The following MSR1 variants were observed in gnomAD, a reference collection of about 807,000 sequenced individuals.
The protein encoded by MSR1 is macrophage scavenger receptor 1.
In MSR1, 53 loss-of-function variants were observed where a neutral mutation model predicts 47.2. That is an observed-to-expected ratio of 1.12 (90% CI 0.90 to 1.41). The LOEUF (loss-of-function observed/expected upper bound fraction) is 1.41. MSR1 is among the 40% of genes most tolerant of loss of function. The pLI, the probability that MSR1 is intolerant of heterozygous loss-of-function variation, is 0.00. For synonymous variants in MSR1, 239 were observed against 185.6 expected (o/e 1.29, Z -2.34); for missense variants, 786 against 546.9 (o/e 1.44, Z -4.36).
chr8:16,156,177 A>T (rs181281391), intron 5 of MSR1, among the ~76,000 whole-genome samples: 1 of 152,064 alleles, frequency 6.6e-6, no homozygotes, highest in East Asian at 1.9e-4. Context: ...TATTCCATAG[A>T]TTCACCACAG....
intron 8 of MSR1, 78 bp from the exon 9 acceptor site, chr8:16,120,684 T>TC: frequency 6.9e-7 from 1 of 1,454,984 alleles, no homozygotes; most frequent in Admixed American, 2.8e-5. Context: ...TTACAGCACT[T>TC]TTTTTTTAAA....
At chr8:16,131,872 T>A (rs940561758) in intron 8 of MSR1, among the ~76,000 whole-genome samples, 1 of 152,142 alleles carries the variant, frequency 6.6e-6, no homozygotes, top group African/African-American at 2.4e-5. Context: ...CCATGCTGTT[T>A]TTGTTCTGTA....
intron 8 of MSR1, chr8:16,141,036 T>G: frequency 6.2e-7 from 1 of 1,613,338 alleles, no homozygotes; most frequent in African/African-American, 1.3e-5. Context: ...ATCAGTGAGT[T>G]GTACTGGTCC....
chr8:16,148,427 C>T (rs774578436), intron 7 of MSR1, among the ~76,000 whole-genome samples: 23 of 152,090 alleles, frequency 1.5e-4, no homozygotes, highest in Non-Finnish European at 2.5e-4. Flanking sequence ...AAAGCCAGCA[C>T]ATTAATGTTT....
chr8:16,190,195 C>A (rs1802159237), intron 1 of MSR1, among the ~76,000 whole-genome samples: 1 of 151,954 alleles, frequency 6.6e-6, no homozygotes, highest in African/African-American at 2.4e-5. Context: ...ACTGCCCCGG[C>A]CATTATTTTC....
chr8:16,164,916 T>G (rs34897121), intron 4 of MSR1, among the ~76,000 whole-genome samples: 5 of 152,118 alleles, frequency 3.3e-5, no homozygotes, highest in Middle Eastern at 3.4e-3. Flanking sequence ...TCCTGGAATA[T>G]GCTTTTATAT....
chr8:16,181,379 C>T lies in MSR1; in HGVS notation c.-4-3387G>A, dbSNP rs1017308137. Among the ~76,000 whole-genome samples the T allele has an allele frequency of 3.3e-5, 5 of 151,788 alleles. No homozygotes were observed. In the South Asian group the frequency reaches 6.3e-4, roughly 19 times the overall value. On this transcript the variant is annotated intron_variant, in intron 1 of 9. Coordinates refer to ENST00000262101, the MANE Select transcript of MSR1 (RefSeq NM_138715.3). ...CTGTTGTTTCTTGAATTTTAATGAT[C>T]GCCATTCTTGGAACCAATCCAAATG...
At chr8:16,143,674 GGAGACA>G in intron 7 of MSR1, 63 bp from the exon 8 acceptor site, 4 of 1,211,226 alleles carry the variant, frequency 3.3e-6, no homozygotes, top group Non-Finnish European at 4.9e-6. Context: ...TGCTTTAACT[GGAGACA>G]GATCATCACA....
chr8:16,155,139 G>C lies in MSR1; in HGVS notation c.823C>G (p.Pro275Ala), dbSNP rs2229388. The C allele has an allele frequency of 0.08, 128,672 of 1,609,930 alleles. 9,085 individuals are homozygous for C. Among genetic ancestry groups the C allele is most frequent in the East Asian group, 0.37 (16,616 of 44,762 alleles). ...TCTCCTTTTTCACCCGGGGGTCCAG[G>C]AGGACCTTTAAAAAAATTACAGTTA... The part of the protein sequence containing the change: ...LRNITLIQGP[P>A]GPPGEKGDRG... The change falls in exon 6 of 10, where the codon CCT becomes GCT. Residue 275 changes from proline to alanine, a missense_variant. Pro to Ala is a conservative substitution (Grantham distance 27, BLOSUM62 -1). Transcript: ENST00000262101.
At chr8:16,180,858 T>C (rs1801808760) in intron 1 of MSR1, among the ~76,000 whole-genome samples, 1 of 152,186 alleles carries the variant, frequency 6.6e-6, no homozygotes, top group South Asian at 2.1e-4. Context: ...GAATGCTATG[T>C]TGATCTGACC....
intron 4 of MSR1, among the ~76,000 whole-genome samples, chr8:16,164,641 G>C (rs1801255581): frequency 6.6e-6 from 1 of 151,894 alleles, no homozygotes; most frequent in Non-Finnish European, 1.5e-5. Context: ...TCGTGAATTT[G>C]ATAGATTTAT....
intron 2 of MSR1, among the ~76,000 whole-genome samples, chr8:16,177,508 G>C (rs1399802356): frequency 1.3e-5 from 2 of 151,814 alleles, no homozygotes; most frequent in Non-Finnish European, 2.9e-5. Flanking sequence ...CTGCATCTCA[G>C]AACTGTGAGC....
chr8:16,184,255 A>T (rs918253637), intron 1 of MSR1, among the ~76,000 whole-genome samples: 2 of 152,050 alleles, frequency 1.3e-5, no homozygotes, highest in African/African-American at 4.8e-5. Context: ...GCCTAGATTC[A>T]GGTAACTTCC....
At chr8:16,141,238 C>A in intron 8 of MSR1, 1 of 629,502 alleles carries the variant, frequency 1.6e-6, no homozygotes, top group Non-Finnish European at 2.8e-6. Flanking sequence ...TACAATAATT[C>A]ATCAAATGGT....
chr8:16,150,602 G>A (rs1350541997), intron 6 of MSR1, among the ~76,000 whole-genome samples: 1 of 152,026 alleles, frequency 6.6e-6, no homozygotes, highest in Non-Finnish European at 1.5e-5. Context: ...AAAGACTTAT[G>A]TAGTCAACCA....
chr8:16,160,547 T>C (rs1417166209), intron 5 of MSR1, among the ~76,000 whole-genome samples: 1 of 151,876 alleles, frequency 6.6e-6, no homozygotes, highest in African/African-American at 2.4e-5. Flanking sequence ...GCTAAACAAG[T>C]AAGCAAATGT....
intron 1 of MSR1, among the ~76,000 whole-genome samples, chr8:16,188,967 CATATATATATATATATATAT>C (rs200739372): frequency 8.2e-6 from 1 of 122,278 alleles, no homozygotes; most frequent in East Asian, 2.2e-4. Context: ...AACACACATA[CATATATATATATATATATAT>C]ATATATATAT....
intron 1 of MSR1, among the ~76,000 whole-genome samples, chr8:16,180,090 C>A (rs868342923): frequency 2.6e-4 from 36 of 138,824 alleles, no homozygotes; most frequent in Admixed American, 1.4e-3. Flanking sequence ...CCCGGTCTCT[C>A]TCTTTCTCTC....
At chr8:16,128,136 A>T (rs1304351542) in intron 8 of MSR1, among the ~76,000 whole-genome samples, 1 of 152,194 alleles carries the variant, frequency 6.6e-6, no homozygotes, top group Non-Finnish European at 1.5e-5. Context: ...GAACAAAGTT[A>T]CAGAAACATA....
Sources: gnomAD v4.1 joint callset for allele counts (sites outside exome capture counted in the v4.1 genomes callset) on GRCh38, gnomAD v4.1.1 for gene constraint, MANE v1.5 for transcripts, NCBI Gene and HGNC (gene_info 2026-07-23, HGNC 2026-07-21) for gene names.